The following SORCS2 variants were observed in gnomAD, a reference collection of about 807,000 sequenced individuals.
SORCS2 encodes the protein VPS10 domain-containing receptor SorCS2.
In SORCS2, 100 loss-of-function variants were observed where a neutral mutation model predicts 141.6. That is an observed-to-expected ratio of 0.71 (90% CI 0.60 to 0.83). The LOEUF (loss-of-function observed/expected upper bound fraction) is 0.83, where lower values mean the gene tolerates loss of function less well. Ranked by LOEUF, SORCS2 falls within the 40% of genes least tolerant of loss-of-function variation. The pLI, the probability that SORCS2 is intolerant of heterozygous loss-of-function variation, is 0.00. For synonymous variants in SORCS2, 789 were observed against 676.9 expected (o/e 1.17, Z -2.57); for missense variants, 1,646 against 1,560.2 (o/e 1.05, Z -0.93).
intron 1 of SORCS2, among the ~76,000 whole-genome samples, chr4:7,248,111 G>A (rs1023853054): frequency 3.3e-5 from 5 of 152,192 alleles, no homozygotes; most frequent in Admixed American, 6.5e-5. Flanking sequence ...CCGGGCCTGA[G>A]CCCGGATCCC....
intron 2 of SORCS2, among the ~76,000 whole-genome samples, chr4:7,398,757 C>T (rs12512241): frequency 7.2e-5 from 11 of 151,994 alleles, no homozygotes; most frequent in Admixed American, 2.0e-4. Flanking sequence ...ATGGCTGTTA[C>T]GAGCCCCTGG....
intron 1 of SORCS2, among the ~76,000 whole-genome samples, chr4:7,290,262 T>G (rs1019037724): frequency 6.6e-6 from 1 of 152,194 alleles, no homozygotes; most frequent in African/African-American, 2.4e-5. Context: ...TCTACCTGGC[T>G]CTCAGTGGGC....
In SORCS2 at chr4:7,213,927, G is replaced by A. The variant is rs114127315; in HGVS notation, c.480+20801G>A. Among the ~76,000 whole-genome samples, 578 of 152,248 alleles carry A rather than the reference G, an allele frequency of 3.8e-3. 4 individuals are homozygous for A. Among genetic ancestry groups the A allele is most frequent in the African/African-American group, 0.013 (553 of 41,546 alleles). The stretch of plus-strand genomic sequence containing the variant: ...CTGGCTTCCTGGGGCTTTATTCCAT[G>A]TCCCTGCCCCAGAGCTGTGAGGTTC... On this transcript the variant is annotated intron_variant, in intron 1 of 26. Coordinates refer to ENST00000507866, the MANE Select transcript of SORCS2 (RefSeq NM_020777.3).
rs751981220 is a variant in SORCS2, at chr4:7,193,558, G to A, written c.480+432G>A. ...TGGGCTCCGGGATCCTTCCCTCCCTGGTCTACCAGGGACTCCGCGGTGGCG... is the reference window on the plus strand; with the variant it reads ...TGGGCTCCGGGATCCTTCCCTCCCTAGTCTACCAGGGACTCCGCGGTGGCG... On this transcript the variant is annotated intron_variant, in intron 1 of 26. Coordinates refer to ENST00000507866, the MANE Select transcript of SORCS2 (RefSeq NM_020777.3). The surrounding 1 kb of genome is among the most constrained non-coding windows in gnomAD (Gnocchi z 4.8). 6.6e-6 allele frequency among the ~76,000 whole-genome samples: 1 copy of A among 152,126 alleles called. No homozygotes were observed. The highest frequency in any genetic ancestry group is 1.5e-5 in the Non-Finnish European group (1 of 68,012).
chr4:7,645,542 G>C (rs1429922228), intron 4 of SORCS2, among the ~76,000 whole-genome samples: 4 of 152,136 alleles, frequency 2.6e-5, no homozygotes, highest in African/African-American at 9.7e-5. Flanking sequence ...AACAAGCACA[G>C]CTCAGTGCCT....
In SORCS2 at chr4:7,676,089, G is replaced by A. The variant is rs1191640529; in HGVS notation, c.1201G>A (p.Val401Met). ...IISTDESQVF[V>M]AVQEWYQMDT... The stretch of plus-strand genomic sequence containing the variant: ...CAGCACGGACGAGAGTCAGGTGTTC[G>A]TGGCGGTGCAGGAGTGGTACCAGAT... The change falls in exon 9 of 27, where the codon GTG (valine) becomes ATG (methionine). Residue 401 changes from valine (V) to methionine (M), a missense_variant. Coordinates refer to ENST00000507866, the MANE Select transcript of SORCS2 (RefSeq NM_020777.3). 11 of 1,589,722 alleles carry A rather than the reference G, an allele frequency of 6.9e-6. No individual in the cohort carries two copies. Among genetic ancestry groups the A allele is most frequent in the Admixed American group, 3.5e-5 (2 of 57,486 alleles).
At chr4:7,235,756 T>G (rs547806736) in intron 1 of SORCS2, among the ~76,000 whole-genome samples, 6 of 152,304 alleles carry the variant, frequency 3.9e-5, no homozygotes, top group Non-Finnish European at 8.8e-5. Flanking sequence ...TGATGAGCAC[T>G]TAGTGGGCAG....
At chr4:7,429,850 TG>T (rs1361767777) in intron 2 of SORCS2, among the ~76,000 whole-genome samples, 1 of 152,182 alleles carries the variant, frequency 6.6e-6, no homozygotes, top group African/African-American at 2.4e-5. Context: ...TTAACCTCTC[TG>T]GTTTCAGCAT....
At chr4:7,578,186 C>G (rs1487616537) in intron 3 of SORCS2, among the ~76,000 whole-genome samples, 2 of 152,216 alleles carry the variant, frequency 1.3e-5, no homozygotes, top group Non-Finnish European at 2.9e-5. Flanking sequence ...TGTTTGGTCT[C>G]TTTGCGAACG....
chr4:7,318,312 A>G (rs1718688742), intron 1 of SORCS2, among the ~76,000 whole-genome samples: 1 of 152,132 alleles, frequency 6.6e-6, no homozygotes, highest in South Asian at 2.1e-4. Context: ...TAGTGCTCAA[A>G]TGTGGTTCTA....
intron 2 of SORCS2, among the ~76,000 whole-genome samples, chr4:7,503,495 T>G (rs796136261): frequency 2.6e-4 from 40 of 151,628 alleles, no homozygotes; most frequent in African/African-American, 9.7e-4. Context: ...GGCAGAGACA[T>G]AGAGAGACAG....
At chr4:7,320,191 T>G (rs1175190776) in intron 1 of SORCS2, among the ~76,000 whole-genome samples, 4 of 152,190 alleles carry the variant, frequency 2.6e-5, no homozygotes, top group Non-Finnish European at 4.4e-5. Context: ...ATGCATCACT[T>G]AAAAATATAT....
intron 3 of SORCS2, among the ~76,000 whole-genome samples, chr4:7,536,655 G>C (rs922421805): frequency 6.6e-6 from 1 of 152,194 alleles, no homozygotes; most frequent in Admixed American, 6.5e-5. Context: ...GATGTGATGG[G>C]CTGGGCTGGG....
At chr4:7,600,803 C>T (rs9991224) in intron 3 of SORCS2, among the ~76,000 whole-genome samples, 11,152 of 152,154 alleles carry the variant, frequency 0.073, 628 homozygotes, top group African/African-American at 0.15. Flanking sequence ...AAATCTCTTT[C>T]GTATGAGACT....
At chr4:7,714,825 G>A (rs548826941) in intron 16 of SORCS2, among the ~76,000 whole-genome samples, 1 of 152,164 alleles carries the variant, frequency 6.6e-6, no homozygotes, top group Non-Finnish European at 1.5e-5. Flanking sequence ...TCCTCATCAT[G>A]CCCCCTGGCA....
At chr4:7,329,355 C>T (rs561769120) in intron 1 of SORCS2, among the ~76,000 whole-genome samples, 8 of 152,306 alleles carry the variant, frequency 5.3e-5, no homozygotes, top group East Asian at 1.9e-4. Flanking sequence ...GCAGAGCAAA[C>T]GTCGTAAAAG....
chr4:7,566,009 AATGATGGTGATGATGGTGATAATG>A (rs1207405807), intron 3 of SORCS2, among the ~76,000 whole-genome samples: 2 of 2,714 alleles, frequency 7.4e-4, no homozygotes, highest in African/African-American at 1.8e-3. Context: ...TGATGGTGAT[AATGATGGTGATGATGGTGATAATG>A]ATAGTGATGA....
At chr4:7,525,888 C>CAGTCACCTGTCCCCTCCTT (rs1733655095) in intron 2 of SORCS2, among the ~76,000 whole-genome samples, 4 of 134,288 alleles carry the variant, frequency 3.0e-5, no homozygotes, top group Non-Finnish European at 6.5e-5. Context: ...GTCCCCTCCT[C>CAGTCACCTGTCCCCTCCTT]AGTCACCTGT....
At chr4:7,603,904 C>T (rs190449782) in intron 3 of SORCS2, among the ~76,000 whole-genome samples, 21 of 152,058 alleles carry the variant, frequency 1.4e-4, no homozygotes, top group African/African-American at 4.3e-4. Flanking sequence ...AAGGCTGCCT[C>T]GAGTTTACAC....
Sources: allele counts gnomAD v4.1 joint callset (sites outside exome capture counted in the v4.1 genomes callset), GRCh38; gene constraint gnomAD v4.1.1; non-coding constraint Gnocchi (gnomAD v3.1); transcripts MANE v1.5; gene names NCBI Gene and HGNC (gene_info 2026-07-23, HGNC 2026-07-21).